Variants in GAA observed in about 807,000 individuals in gnomAD.
The protein encoded by GAA is alpha glucosidase.
A neutral mutation model predicts 103.9 loss-of-function variants in GAA; 88 were observed. The ratio of observed to expected loss-of-function variants is 0.85; its 90% CI spans 0.71 to 1.01. The LOEUF is 1.01. GAA is among the 50% of genes least tolerant of loss of function. GAA has a pLI of 0.00. For synonymous variants in GAA, 572 were observed against 563.1 expected (o/e 1.02, Z -0.22); for missense variants, 1,350 against 1,305.3 (o/e 1.03, Z -0.53).
intron 15 of GAA, among the ~76,000 whole-genome samples, chr17:80,115,453 A>G (rs953219349): frequency 6.6e-6 from 1 of 152,044 alleles, no homozygotes; most frequent in Admixed American, 6.6e-5. Context: ...GATATTCCCT[A>G]TCTGGTGAGT....
chr17:80,117,132 C>A (rs1202262536), intron 16 of GAA, 23 bp downstream of exon 16: 1 of 1,609,856 alleles, frequency 6.2e-7, no homozygotes, highest in Non-Finnish European at 8.5e-7. Flanking sequence ...ACCCTAAGCC[C>A]TGGGGAGACG....
rs759204354 is a variant in GAA, at chr17:80,108,450, C to G, written c.1076-39C>G. 10 of 1,613,048 alleles carry G rather than the reference C, an allele frequency of 6.2e-6. No homozygotes were observed. In the South Asian group the frequency reaches 9.9e-5, roughly 16 times the overall value. ...TGGCCGCGGCCCCCGCCCCAAGGCT[C>G]CCTCCTCCCTCCCTCATGAAGTCGG... On this transcript the variant is annotated intron_variant, in intron 6 of 19. Transcript: ENST00000302262.
At position 80,101,907 on chromosome 17, in the gene GAA, C is replaced by T. The variant is rs1157266131; in HGVS notation, c.-33+17C>T. On this transcript the variant is annotated intron_variant, in intron 1 of 19. Transcript: ENST00000302262. ...ACGGAGCGGGTGAGACACCTGACGT[C>T]TGCCCCGCGCTGCCGGCGGTAACAT... The T allele has an allele frequency of 6.6e-6, 1 of 152,284 alleles. No homozygotes were observed. Among genetic ancestry groups the T allele is most frequent in the East Asian group, 1.9e-4 (1 of 5,202 alleles). 9.4% of individuals were successfully genotyped at this position (152,284 alleles called of 1,614,324 possible). A position where few individuals can be genotyped will look rare whatever the true frequency, so the allele number is the denominator to read the frequency against.
intron 15 of GAA, 71 bp downstream of exon 15, chr17:80,113,437 C>T: frequency 1.5e-6 from 2 of 1,373,702 alleles, no homozygotes; most frequent in Non-Finnish European, 2.0e-6. Flanking sequence ...CCAGGCAGCC[C>T]TGTCCTGCTG....
In GAA at chr17:80,105,031, A is replaced by G; in HGVS notation, c.445A>G (p.Thr149Ala). 1 of 1,612,948 alleles carries G rather than the reference A, an allele frequency of 6.2e-7. No homozygotes were observed. The highest frequency in any genetic ancestry group is 8.5e-7 in the Non-Finnish European group (1 of 1,180,020). Reference sequence around the variant, plus strand: ...CCTGAGCTCCTCTGAAATGGGCTACACGGCCACCCTGACCCGTACCACCCC... The same window carrying G: ...CCTGAGCTCCTCTGAAATGGGCTACGCGGCCACCCTGACCCGTACCACCCC... Reference protein sequence around the residue: ...ENLSSSEMGYTATLTRTTPTF... With the variant: ...ENLSSSEMGYAATLTRTTPTF... Residue 149 changes from threonine (T) to alanine (A), a missense_variant, in exon 2 of 20, where the codon ACG becomes GCG. By Grantham distance (58) the Thr-to-Ala change is moderately conservative (BLOSUM62 0). Coordinates refer to ENST00000302262, the MANE Select transcript of GAA (RefSeq NM_000152.5).
At chr17:80,107,499 T>G in intron 3 of GAA, 58 bp from the exon 4 acceptor site, 2 of 1,610,438 alleles carry the variant, frequency 1.2e-6, no homozygotes, top group Non-Finnish European at 1.7e-6. Context: ...CTCTGGGTGC[T>G]CTCAGGCTCG....
intron 9 of GAA, 152 bp from the exon 10 acceptor site, chr17:80,110,575 A>G (rs2039207979): frequency 3.0e-6 from 2 of 657,456 alleles, no homozygotes; most frequent in Middle Eastern, 4.1e-4. Flanking sequence ...AGAGCTGCTC[A>G]TTGACCTCCA....
Position 80,104,469 on chromosome 17 carries a change from G to A in GAA, c.-32-86G>A, listed in dbSNP as rs565580690. The A allele has an allele frequency of 4.6e-5, 46 of 990,796 alleles. No individual in the cohort carries two copies. The highest frequency in any genetic ancestry group is 3.6e-4 in the African/African-American group (22 of 61,662). The allele number at this position is 990,796 out of a possible 1,614,324, so 61.4% of individuals were successfully genotyped here. On this transcript the variant is annotated intron_variant, in intron 1 of 19. Coordinates refer to ENST00000302262, the MANE Select transcript of GAA (RefSeq NM_000152.5). The surrounding 1 kb of genome is among the most constrained non-coding windows in gnomAD (Gnocchi z 4.0). ...CTGCCTGGGTGCTGCAGTGCCAGCC[G>A]CGGTTGATGTCTCAGAGCTGCTTTG...
At chr17:80,113,048 T>A (rs1034195649) in intron 14 of GAA, 21 bp downstream of exon 14, 1 of 1,599,006 alleles carries the variant, frequency 6.3e-7, no homozygotes, top group South Asian at 1.1e-5. Context: ...GGTGGCGGCA[T>A]GGCAGGTGGG....
In GAA at chr17:80,117,565, C is replaced by G. The variant is rs1349904900; in HGVS notation, c.2332-35C>G. ...TGAGGACAGCATGGGGGCCTCGGCACGGCCCAGAATCCTCAAAGCAACATC... is the reference window on the plus strand; with the variant it reads ...TGAGGACAGCATGGGGGCCTCGGCAGGGCCCAGAATCCTCAAAGCAACATC... On this transcript the variant is annotated intron_variant, in intron 16 of 19. Transcript: ENST00000302262. 7 of 1,612,076 alleles carry G rather than the reference C, an allele frequency of 4.3e-6. No individual in the cohort carries two copies. The South Asian group carries it at 6.6e-5, about 15-fold the overall frequency.
At chr17:80,105,645 C>A in intron 2 of GAA, 104 bp from the exon 3 acceptor site, 1 of 1,349,590 alleles carries the variant, frequency 7.4e-7, no homozygotes, top group Non-Finnish European at 1.0e-6. Context: ...GGTCCCACAT[C>A]CATGTGTGGC....
At position 80,108,387 on chromosome 17, in the gene GAA, G is replaced by T. The variant is rs773063199; in HGVS notation, c.1053G>T (p.Val351=). The T allele has an allele frequency of 1.4e-5, 23 of 1,613,510 alleles. 1 individual carries two copies. In the South Asian group the frequency reaches 2.4e-4, roughly 17 times the overall value. The part of the protein sequence containing the change: ...IFLGPEPKSV[V]QQYLDVVGYP... ...TGGGCCCAGAGCCCAAGAGCGTGGT[G>T]CAGCAGTACCTGGACGTTGTGGGTA... Residue 351 remains valine, a synonymous_variant, in exon 6 of 20, where the codon GTG becomes GTT. Transcript: ENST00000302262.
chr17:80,111,015 C>G lies in GAA; in HGVS notation c.1626C>G (p.Pro542=), dbSNP rs947585663. The G allele has an allele frequency of 1.9e-6, 3 of 1,613,846 alleles. No individual in the cohort carries two copies. The highest frequency in any genetic ancestry group is 2.5e-6 in the Non-Finnish European group (3 of 1,179,982). The change falls in exon 11 of 20, where the codon CCC becomes CCG. Residue 542 remains proline, a synonymous_variant. Transcript: ENST00000302262. Reference sequence around the variant, plus strand: ...CCAACAATGAGCTGGAGAACCCACCCTACGTGCCTGGTCAGCTCGCCCCCC... The same window carrying G: ...CCAACAATGAGCTGGAGAACCCACCGTACGTGCCTGGTCAGCTCGCCCCCC... The part of the protein sequence containing the change: ...GCPNNELENP[P]YVPGVVGGTL...
At chr17:80,108,047 C>A in intron 5 of GAA, 151 bp downstream of exon 5, 2 of 1,026,226 alleles carry the variant, frequency 1.9e-6, no homozygotes, top group Non-Finnish European at 2.9e-6. Flanking sequence ...TCTCCCAACT[C>A]TGGCCTTCTG....
intron 15 of GAA, among the ~76,000 whole-genome samples, 154 bp downstream of exon 15, chr17:80,113,520 G>A (rs560973827): frequency 1.3e-5 from 2 of 152,338 alleles, no homozygotes; most frequent in East Asian, 3.9e-4. Flanking sequence ...TAAGGGGGAA[G>A]GGCAGCAAGA....
At position 80,119,366 on chromosome 17, in the gene GAA, C is replaced by T. The variant is rs1283643807; in HGVS notation, c.*35C>T. On this transcript the variant is annotated 3_prime_UTR_variant, in exon 20 of 20. Coordinates refer to ENST00000302262, the MANE Select transcript of GAA (RefSeq NM_000152.5). The stretch of plus-strand genomic sequence containing the variant: ...GTGTGTTAGTCTCTCCAGAGGGAGG[C>T]TGGTTCCCCAGGGAAGCAGAGCCTG... The T allele has an allele frequency of 1.3e-6, 2 of 1,589,252 alleles. No homozygotes were observed. The highest frequency in any genetic ancestry group is 1.7e-6 in the Non-Finnish European group (2 of 1,157,656).
Position 80,104,798 on chromosome 17 carries a change from A to G in GAA, c.212A>G (p.His71Arg), listed in dbSNP as rs760205477. 11 of 1,611,696 alleles carry G rather than the reference A, an allele frequency of 6.8e-6. No individual in the cohort carries two copies. Among genetic ancestry groups the G allele is most frequent in the Non-Finnish European group, 7.6e-6 (9 of 1,179,566 alleles). The change falls in exon 2 of 20, where the codon CAC (histidine) becomes CGC (arginine). Residue 71 changes from histidine (H) to arginine (R), a missense_variant. Physicochemically the swap from His to Arg is conservative, Grantham distance 29. Coordinates refer to ENST00000302262, the MANE Select transcript of GAA (RefSeq NM_000152.5). The surrounding 1 kb of genome is among the most constrained non-coding windows in gnomAD (Gnocchi z 4.0). ...SRPGPRDAQA[H>R]PGRPRAVPTQ... The stretch of plus-strand genomic sequence containing the variant: ...CCAGGGCCCCGGGATGCCCAGGCAC[A>G]CCCCGGCCGTCCCAGAGCAGTGCCC...
intron 1 of GAA, among the ~76,000 whole-genome samples, chr17:80,103,167 G>C (rs954970388): frequency 1.3e-5 from 2 of 152,204 alleles, no homozygotes; most frequent in South Asian, 4.1e-4. Flanking sequence ...CTTCTTCCTG[G>C]TATGTGACCA....
At chr17:80,110,573 T>TA (rs2039207881) in intron 9 of GAA, among the ~76,000 whole-genome samples, 154 bp from the exon 10 acceptor site, 1 of 152,240 alleles carries the variant, frequency 6.6e-6, no homozygotes, top group Admixed American at 6.5e-5. Flanking sequence ...AAAGAGCTGC[T>TA]CATTGACCTC....
Sources: gnomAD v4.1 joint callset for allele counts (sites outside exome capture counted in the v4.1 genomes callset) on GRCh38, gnomAD v4.1.1 for gene constraint, Gnocchi (gnomAD v3.1) non-coding constraint, MANE v1.5 for transcripts, NCBI Gene and HGNC (gene_info 2026-07-23, HGNC 2026-07-21) for gene names.